HS6ST2: variants seen among roughly 807,000 people sequenced by gnomAD.
The protein encoded by HS6ST2 is heparan-sulfate 6-O-sulfotransferase 2.
In HS6ST2, 17 loss-of-function variants were observed where a neutral mutation model predicts 33.0. The ratio of observed to expected loss-of-function variants is 0.52; its 90% confidence interval spans 0.35 to 0.77. The LOEUF (loss-of-function observed/expected upper bound fraction) is 0.77, where lower values mean the gene tolerates loss of function less well. Ranked by LOEUF, HS6ST2 falls within the 30% of genes least tolerant of loss-of-function variation. The pLI is 0.01. For synonymous variants in HS6ST2, 248 were observed against 237.1 expected (o/e 1.05, Z -0.42); for missense variants, 519 against 551.7 (o/e 0.94, Z 0.59).
Position 132,752,056 on chromosome X carries a change from G to T in HS6ST2, c.948-43562C>A, listed in dbSNP as rs780259415. Among the ~76,000 whole-genome samples the T allele has an allele frequency of 1.3e-4, 15 of 111,796 alleles. No individual in the cohort carries two copies. In the East Asian group the frequency reaches 4.2e-3, roughly 32 times the overall value. ...AGGTCACACAATTAAGAAATTCTGG[G>T]ACCCAAACCCAAGTCTCTCTGAAAC... On this transcript the variant is annotated intron_variant, in intron 2 of 4. Coordinates refer to ENST00000370833, the MANE Select transcript of HS6ST2 (RefSeq NM_001394073.1).
chrX:132,642,062 CAG>C (rs1164317331), intron 4 of HS6ST2, among the ~76,000 whole-genome samples: 3 of 111,493 alleles, frequency 2.7e-5, no homozygotes, highest in African/African-American at 6.5e-5. Context: ...GTGAGAAATC[CAG>C]AGACACACAG....
At chrX:132,664,597 C>T (rs191139629) in intron 4 of HS6ST2, among the ~76,000 whole-genome samples, 10 of 111,307 alleles carry the variant, frequency 9.0e-5, no homozygotes, top group Non-Finnish European at 5.7e-5. Context: ...TTTTAATATC[C>T]CTCCTTCCCC....
chrX:132,634,407 A>G (rs1207765825), intron 4 of HS6ST2, among the ~76,000 whole-genome samples: 2 of 112,282 alleles, frequency 1.8e-5, no homozygotes, highest in Non-Finnish European at 3.8e-5. Context: ...TCTTGTGACC[A>G]AATGTATCAC....
intron 2 of HS6ST2, among the ~76,000 whole-genome samples, chrX:132,768,938 G>A (rs930519758): frequency 8.9e-6 from 1 of 112,408 alleles, no homozygotes; most frequent in Non-Finnish European, 1.9e-5. Context: ...TTTATGTGGT[G>A]TGATTAAAAG....
intron 2 of HS6ST2, among the ~76,000 whole-genome samples, chrX:132,832,919 T>C (rs1250308081): frequency 9.0e-6 from 1 of 111,536 alleles, no homozygotes; most frequent in Non-Finnish European, 1.9e-5. Context: ...TTTTGTAACA[T>C]TTTCATCACT....
At chrX:132,824,331 C>G (rs1405282923) in intron 2 of HS6ST2, among the ~76,000 whole-genome samples, 1 of 112,104 alleles carries the variant, frequency 8.9e-6, no homozygotes, top group Admixed American at 9.5e-5. Context: ...CACCAGGTCC[C>G]AGCAAATGCA....
At chrX:132,804,533 TTCACACCTGTAA>T (rs972290570) in intron 2 of HS6ST2, among the ~76,000 whole-genome samples, 1 of 112,242 alleles carries the variant, frequency 8.9e-6, no homozygotes, top group Admixed American at 9.4e-5. Context: ...GGCATGGTGG[TTCACACCTGTAA>T]TCCCAGCACT....
intron 4 of HS6ST2, among the ~76,000 whole-genome samples, chrX:132,631,584 G>A (rs1301286855): frequency 2.8e-5 from 3 of 106,031 alleles, no homozygotes; most frequent in Non-Finnish European, 5.8e-5. Flanking sequence ...ACAGTTTAGT[G>A]GCAATTAGTC....
intron 2 of HS6ST2, among the ~76,000 whole-genome samples, chrX:132,815,480 G>T (rs894327125): frequency 9.0e-6 from 1 of 111,723 alleles, no homozygotes; most frequent in Non-Finnish European, 1.9e-5. Context: ...TCAAATCCAC[G>T]CAGTCTGGCT....
intron 2 of HS6ST2, among the ~76,000 whole-genome samples, chrX:132,906,483 A>G (rs1443305801): frequency 9.0e-6 from 1 of 111,242 alleles, no homozygotes; most frequent in East Asian, 2.8e-4. Context: ...CAATTCTCAT[A>G]TTATTTTATT....
intron 2 of HS6ST2, among the ~76,000 whole-genome samples, chrX:132,780,495 T>A: frequency 1.8e-5 from 2 of 111,303 alleles, no homozygotes; most frequent in Middle Eastern, 4.6e-3. Context: ...ATTGTTCCTA[T>A]TTTACAGATG....
At chrX:132,650,894 G>C (rs2148182099) in intron 4 of HS6ST2, among the ~76,000 whole-genome samples, 1 of 110,593 alleles carries the variant, frequency 9.0e-6, no homozygotes, top group Non-Finnish European at 1.9e-5. Flanking sequence ...CTTCCCAAGT[G>C]GCTATGACTA....
intron 2 of HS6ST2, among the ~76,000 whole-genome samples, chrX:132,819,129 G>C (rs2065426067): frequency 1.8e-5 from 2 of 110,653 alleles, no homozygotes; most frequent in South Asian, 7.8e-4. Context: ...TCCCCACACT[G>C]AGAACCAACG....
At chrX:132,731,504 A>G (rs1238857148) in intron 2 of HS6ST2, among the ~76,000 whole-genome samples, 1 of 111,551 alleles carries the variant, frequency 9.0e-6, no homozygotes, top group Non-Finnish European at 1.9e-5. Context: ...ATTATCATAG[A>G]CGGTATTTCA....
At chrX:132,878,848 A>G (rs1199862537) in intron 2 of HS6ST2, among the ~76,000 whole-genome samples, 3 of 111,397 alleles carry the variant, frequency 2.7e-5, no homozygotes, top group Admixed American at 9.6e-5. Context: ...ATAGAGCACC[A>G]CAAAACGCTT....
chrX:132,661,175 A>G (rs1457303597), intron 4 of HS6ST2, among the ~76,000 whole-genome samples: 1 of 111,405 alleles, frequency 9.0e-6, no homozygotes, highest in East Asian at 2.8e-4. Flanking sequence ...ATCACTATTC[A>G]ACACTGTACT....
intron 2 of HS6ST2, among the ~76,000 whole-genome samples, chrX:132,732,216 C>T (rs1316146113): frequency 9.0e-6 from 1 of 111,415 alleles, no homozygotes; most frequent in African/African-American, 3.3e-5. Flanking sequence ...ATGAACAAAC[C>T]ATTTCTTATT....
rs147490178 is a variant in HS6ST2 at position 132,823,269 on chromosome X, T to G, written c.948-114775A>C. On this transcript the variant is annotated intron_variant, in intron 2 of 4. Transcript: ENST00000370833. ...TCATGCTGAAATGGAACTTACATAT[T>G]TTTTTAATTTTTTTATTTCAATAGC... Among the ~76,000 whole-genome samples, 788 of 111,695 alleles carry G rather than the reference T, an allele frequency of 7.1e-3. 5 individuals carry two copies. Among genetic ancestry groups the G allele is most frequent in the African/African-American group, 0.025 (763 of 30,709 alleles).
At chrX:132,703,300 A>G in intron 3 of HS6ST2, among the ~76,000 whole-genome samples, 1 of 112,976 alleles carries the variant, frequency 8.9e-6, no homozygotes, top group East Asian at 2.8e-4. Context: ...GCTGGGACCA[A>G]GAACACTTGG....
Sources: gnomAD v4.1 joint callset for allele counts (sites outside exome capture counted in the v4.1 genomes callset) on GRCh38, gnomAD v4.1.1 for gene constraint, MANE v1.5 for transcripts, NCBI Gene and HGNC (gene_info 2026-07-23, HGNC 2026-07-21) for gene names.